Variants in ANKRD13A observed in about 807,000 individuals in gnomAD.
ANKRD13A encodes the protein ankyrin repeat domain 13A, also known as ankyrin repeat domain-containing protein 13A.
Under a neutral mutation model 81.3 loss-of-function variants are expected in ANKRD13A, and 48 were observed. That is an observed-to-expected ratio of 0.59 (90% CI 0.47 to 0.75). The LOEUF is 0.75. Among genes scored for constraint, ANKRD13A ranks in the 30% least tolerant of loss-of-function variants. ANKRD13A has a pLI of 0.00. For missense variants in ANKRD13A, 612 were observed against 734.0 expected (o/e 0.83, Z 1.92); for synonymous variants, 230 against 270.1 (o/e 0.85, Z 1.45).
In ANKRD13A at chr12:110,028,523, G is replaced by A. The variant is rs141333386; in HGVS notation, c.957G>A (p.Thr319=). 192 of 1,613,962 alleles carry A rather than the reference G, an allele frequency of 1.2e-4. 1 individual carries two copies. The highest frequency in any genetic ancestry group is 5.0e-4 in the Middle Eastern group (3 of 6,054). The change falls in exon 10 of 15, where the codon ACG becomes ACA. Residue 319 remains threonine (T), a synonymous_variant. Transcript: ENST00000261739. ...TTCTGGCTCAGCAGGACCTCACCAC[G>A]GAATGTGCTACTGCAAACAACCCCA... ...HQFGAQGDLT[T]ECATANNPTA... is the part of the protein sequence containing the mutation.
At chr12:110,027,850 G>T (rs905085321) in intron 9 of ANKRD13A, 84 bp downstream of exon 9, 37 of 1,383,084 alleles carry the variant, frequency 2.7e-5, no homozygotes, top group Non-Finnish European at 3.6e-5. Context: ...ACTGGATCCT[G>T]AACAGCCCAC....
At chr12:110,035,445 ATT>A (rs112223294) in intron 13 of ANKRD13A, among the ~76,000 whole-genome samples, 5 of 146,102 alleles carry the variant, frequency 3.4e-5, no homozygotes, top group Non-Finnish European at 4.6e-5. Flanking sequence ...TATCTACCAA[ATT>A]TTTTTTTTTT....
At chr12:110,028,272 T>C (rs554251339) in intron 9 of ANKRD13A, 1 of 426,476 alleles carries the variant, frequency 2.3e-6, no homozygotes, top group East Asian at 4.0e-5. Flanking sequence ...TTTGTTATAA[T>C]CAGGAGATAA....
intron 12 of ANKRD13A, among the ~76,000 whole-genome samples, chr12:110,031,606 C>T (rs899178568): frequency 6.6e-6 from 1 of 152,150 alleles, no homozygotes; most frequent in East Asian, 1.9e-4. Flanking sequence ...CCAGCTCGGC[C>T]TCCCAAAGTG....
At chr12:110,023,833 G>A (rs1347742396) in intron 6 of ANKRD13A, 2 of 476,074 alleles carry the variant, frequency 4.2e-6, no homozygotes, top group Middle Eastern at 4.0e-4. Context: ...CTATGCCTGG[G>A]GTGAGGCAAA....
intron 1 of ANKRD13A, among the ~76,000 whole-genome samples, chr12:110,005,809 T>C (rs575739739): frequency 6.6e-6 from 1 of 152,280 alleles, no homozygotes; most frequent in Non-Finnish European, 1.5e-5. Context: ...TGTATTTGTG[T>C]ATATGTTTTT....
At position 110,033,952 on chromosome 12, in the gene ANKRD13A, A is replaced by C; in HGVS notation, c.1504A>C (p.Ser502Arg). ...IQQSLLESSR[S>R]QELSGPASNG... ...GCAAAGTCTGCTGGAGTCCAGCAGGAGCCAGGTGTGTTTATCAGAATACTC... is the reference window on the plus strand; with the variant it reads ...GCAAAGTCTGCTGGAGTCCAGCAGGCGCCAGGTGTGTTTATCAGAATACTC... Residue 502 changes from serine (S) to arginine (R), a missense_variant, in exon 13 of 15, where the codon AGC becomes CGC. Physicochemically the swap from Ser to Arg is moderately radical, Grantham distance 110 (BLOSUM62 -1). Coordinates refer to ENST00000261739, the MANE Select transcript of ANKRD13A (RefSeq NM_033121.2). 1 of 1,609,326 alleles carries C rather than the reference A, an allele frequency of 6.2e-7. No individual in the cohort carries two copies. Among genetic ancestry groups the C allele is most frequent in the Non-Finnish European group, 8.5e-7 (1 of 1,177,724 alleles).
At chr12:110,013,994 G>A (rs1017553305) in intron 3 of ANKRD13A, among the ~76,000 whole-genome samples, 2 of 152,158 alleles carry the variant, frequency 1.3e-5, no homozygotes, top group Admixed American at 1.3e-4. Flanking sequence ...AGGTCTGTGT[G>A]TAACTTCTCC....
At chr12:110,005,548 C>T (rs1890198043) in intron 1 of ANKRD13A, among the ~76,000 whole-genome samples, 1 of 152,176 alleles carries the variant, frequency 6.6e-6, no homozygotes, top group African/African-American at 2.4e-5. Flanking sequence ...CTAGATTTGC[C>T]TATTCTGGAC....
chr12:110,004,220 A>G (rs528631995), intron 1 of ANKRD13A, among the ~76,000 whole-genome samples: 1 of 152,300 alleles, frequency 6.6e-6, no homozygotes, highest in East Asian at 1.9e-4. Context: ...TGAAATGAGC[A>G]AATAGGAAGG....
chr12:110,025,621 T>C (rs1188034912), intron 7 of ANKRD13A, 121 bp from the exon 8 acceptor site: 2 of 719,494 alleles, frequency 2.8e-6, no homozygotes, highest in East Asian at 5.2e-5. Flanking sequence ...GTTAACCATT[T>C]CTCATTTTTA....
intron 1 of ANKRD13A, among the ~76,000 whole-genome samples, chr12:110,004,047 A>G (rs891397592): frequency 1.3e-5 from 2 of 152,060 alleles, no homozygotes; most frequent in Non-Finnish European, 2.9e-5. Context: ...AATCCCAGCT[A>G]CTTGGGAGGC....
chr12:110,015,974 C>G (rs1890779267), intron 3 of ANKRD13A, among the ~76,000 whole-genome samples: 1 of 140,308 alleles, frequency 7.1e-6, no homozygotes, highest in African/African-American at 2.7e-5. Flanking sequence ...TTTTTCCATA[C>G]AGTATCTCGC....
At position 110,033,860 on chromosome 12, in the gene ANKRD13A, T is replaced by A; in HGVS notation, c.1412T>A (p.Val471Asp). 1 of 1,613,428 alleles carries A rather than the reference T, an allele frequency of 6.2e-7. No homozygotes were observed. The highest frequency in any genetic ancestry group is 1.3e-5 in the African/African-American group (1 of 75,002). ...SVFEIPESYY[V>D]QDNGRNVHLQ... is the part of the protein sequence containing the mutation. Reference sequence around the variant, plus strand: ...TTTGAAATTCCCGAATCTTACTATGTTCAAGACAATGGCAGAAATGTGCAT... The same window carrying A: ...TTTGAAATTCCCGAATCTTACTATGATCAAGACAATGGCAGAAATGTGCAT... Residue 471 changes from valine to aspartate, a missense_variant, in exon 13 of 15, where the codon GTT (valine) becomes GAT (aspartate). Val to Asp is a radical substitution (Grantham distance 152). Transcript: ENST00000261739.
intron 1 of ANKRD13A, among the ~76,000 whole-genome samples, chr12:110,001,960 T>A (rs1299143970): frequency 6.6e-6 from 1 of 151,920 alleles, no homozygotes; most frequent in African/African-American, 2.4e-5. Flanking sequence ...CCAGTTTTGG[T>A]TTTTAGGAAT....
At chr12:110,027,285 C>T (rs138087396) in intron 8 of ANKRD13A, 232 of 183,982 alleles carry the variant, frequency 1.3e-3, no homozygotes, top group African/African-American at 4.8e-3. Flanking sequence ...TGAGTTACGA[C>T]GTGGAAGCCT....
rs1891565197 is a variant in ANKRD13A at position 110,029,724 on chromosome 12, T to C, written c.1234+89T>C. ...TGGGTGGCAGGATGCTTCAGGGAAT[T>C]GGAGTGCTTTAGGTCAAAGTAGCTT... On this transcript the variant is annotated intron_variant, in intron 11 of 14. Transcript: ENST00000261739. 2.7e-6 allele frequency: 4 copies of C among 1,488,322 alleles called. No individual in the cohort carries two copies. The South Asian group carries it at 4.8e-5, about 18-fold the overall frequency. The allele number at this position is 1,488,322 out of a possible 1,614,324, so 92.2% of individuals were successfully genotyped here.
rs954824040 is a variant in ANKRD13A, at chr12:110,018,016, A to G, written c.401-329A>G. Reference sequence around the variant, plus strand: ...ATATGGTAGGCCACAGCCATATGGCAAGAGTTGCATATGTGAGTGAGGAAG... The same window carrying G: ...ATATGGTAGGCCACAGCCATATGGCGAGAGTTGCATATGTGAGTGAGGAAG... On this transcript the variant is annotated intron_variant, in intron 4 of 14. Coordinates refer to ENST00000261739, the MANE Select transcript of ANKRD13A (RefSeq NM_033121.2). This position sits in a 1 kb window ranked among gnomAD's most constrained non-coding sequence, Gnocchi z 4.4. Among the ~76,000 whole-genome samples the G allele has an allele frequency of 1.3e-5, 2 of 152,160 alleles. No homozygotes were observed. Among genetic ancestry groups the G allele is most frequent in the African/African-American group, 4.8e-5 (2 of 41,442 alleles).
intron 4 of ANKRD13A, among the ~76,000 whole-genome samples, chr12:110,017,317 A>G (rs1372105859): frequency 6.6e-6 from 1 of 152,268 alleles, no homozygotes; most frequent in Admixed American, 6.5e-5. Flanking sequence ...ATTCTAAACA[A>G]GATGAGGTGA....
Sources: gnomAD v4.1 joint callset for allele counts (sites outside exome capture counted in the v4.1 genomes callset) on GRCh38, gnomAD v4.1.1 for gene constraint, Gnocchi (gnomAD v3.1) non-coding constraint, MANE v1.5 for transcripts, NCBI Gene and HGNC (gene_info 2026-07-23, HGNC 2026-07-21) for gene names.